GNL1: variants seen among roughly 807,000 people sequenced by gnomAD.
The protein encoded by GNL1 is guanine nucleotide-binding protein-like 1.
Under a neutral mutation model 75.2 loss-of-function variants are expected in GNL1, and 21 were observed. The observed-to-expected ratio is 0.28, with a 90% confidence interval of 0.20 to 0.40. The LOEUF (loss-of-function observed/expected upper bound fraction) is 0.40, where lower values mean the gene tolerates loss of function less well. Ranked by LOEUF, GNL1 falls within the 10% of genes least tolerant of loss-of-function variation. The pLI is 1.00. For synonymous variants in GNL1, 287 were observed against 303.4 expected (o/e 0.95, Z 0.56); for missense variants, 579 against 775.0 (o/e 0.75, Z 3.00).
In GNL1 at chr6:30,552,150, G is replaced by T; in HGVS notation, c.1099+317C>A. The T allele has an allele frequency of 2.8e-6, 1 of 357,336 alleles. No individual in the cohort carries two copies. Among genetic ancestry groups the T allele is most frequent in the Non-Finnish European group, 5.1e-6 (1 of 196,712 alleles). 22.1% of individuals were successfully genotyped at this position (357,336 alleles called of 1,614,324 possible). On this transcript the variant is annotated intron_variant, in intron 8 of 11. Transcript: ENST00000376621. This position sits in a 1 kb window ranked among gnomAD's most constrained non-coding sequence, Gnocchi z 4.5. ...AAGCGCTGGGACTATATAGGCATGA[G>T]CCCTCACACATGGCCGTCATCCATT...
At position 30,546,099 on chromosome 6, in the gene GNL1, A is replaced by G. The variant is rs1487139129; in HGVS notation, c.1797T>C (p.Tyr599=). The G allele has an allele frequency of 6.3e-7, 1 of 1,586,532 alleles. No homozygotes were observed. The change falls in exon 12 of 12, where the codon TAT becomes TAC. Residue 599 remains tyrosine (Y), a synonymous_variant. Transcript: ENST00000376621. The surrounding 1 kb of genome is among the most constrained non-coding windows in gnomAD (Gnocchi z 5.1). ...AGCACTCATCCTCACCCAGCAGGGC[A>G]TAAGGGTTTCGGCCAGCCAGGCTGG... ...PGSSLAGRNP[Y]ALLGEDEC
At chr6:30,551,312 C>A (rs1799762837) in intron 8 of GNL1, among the ~76,000 whole-genome samples, 1 of 152,110 alleles carries the variant, frequency 6.6e-6, no homozygotes, top group Non-Finnish European at 1.5e-5. Context: ...GAAGGGACAG[C>A]CGGGTGAAAT....
Position 30,552,598 on chromosome 6 carries a change from C to T in GNL1, c.968G>A (p.Gly323Asp), listed in dbSNP as rs776901989. The change falls in exon 8 of 12, where the codon GGC becomes GAC. Residue 323 changes from glycine (G) to aspartate (D), a missense_variant. Transcript: ENST00000376621. This position sits in a 1 kb window ranked among gnomAD's most constrained non-coding sequence, Gnocchi z 4.5. ...CTCCTCTTCCTCCTCCTCCCCAGAG[C>T]CATTACCCCAGGTGGCCCCAGCCAC... is the stretch of plus-strand genomic sequence containing the variant. ...RDVAGATWGN[G>D]SGEEEEEEDG... is the part of the protein sequence containing the mutation. The T allele has an allele frequency of 4.0e-5, 65 of 1,613,990 alleles. No homozygotes were observed. The highest frequency in any genetic ancestry group is 5.2e-5 in the Non-Finnish European group (61 of 1,180,010).
At position 30,554,761 on chromosome 6, in the gene GNL1, C is replaced by T. The variant is rs775362254; in HGVS notation, c.528+3G>A. On this transcript the variant is annotated splice_donor_region_variant and intron_variant, in intron 4 of 11. Coordinates refer to ENST00000376621, the MANE Select transcript of GNL1 (RefSeq NM_005275.5). ...CACTCCTGTCCCTAGAGTACACTGT[C>T]ACCTCCAGATTGTGCTCAAAGTAGC... The T allele has an allele frequency of 2.2e-5, 35 of 1,612,854 alleles. No homozygotes were observed. The South Asian group carries it at 3.2e-4, about 15-fold the overall frequency.
chr6:30,556,328 C>A lies in GNL1; in HGVS notation c.-125G>T. On this transcript the variant is annotated 5_prime_UTR_variant, in exon 1 of 12. Coordinates refer to ENST00000376621, the MANE Select transcript of GNL1 (RefSeq NM_005275.5). The surrounding 1 kb of genome is among the most constrained non-coding windows in gnomAD (Gnocchi z 5.7). ...AGGAGGCGGGGCTAGCAGGTGACGT[C>A]AGCGGGCGGGCCCGACAGAATTACC... 1.8e-6 allele frequency: 2 copies of A among 1,103,572 alleles called. No homozygotes were observed. Among genetic ancestry groups the A allele is most frequent in the South Asian group, 1.3e-5 (1 of 75,596 alleles). The allele number at this position is 1,103,572 out of a possible 1,614,324, so 68.4% of individuals were successfully genotyped here.
rs1302661993 is a variant in GNL1, at chr6:30,547,979, C to T, written c.1100-449G>A. ...TCACCTGAGGTCAGGACTTCAAGAC[C>T]AGCCTGGCCAACATGGTGAAACCCC... On this transcript the variant is annotated intron_variant, in intron 8 of 11. Transcript: ENST00000376621. This position sits in a 1 kb window ranked among gnomAD's most constrained non-coding sequence, Gnocchi z 5.5. 6.6e-6 allele frequency among the ~76,000 whole-genome samples: 1 copy of T among 152,082 alleles called. No homozygotes were observed. Among genetic ancestry groups the T allele is most frequent in the Non-Finnish European group, 1.5e-5 (1 of 68,026 alleles).
rs1800014867 is a variant in GNL1, at chr6:30,554,613, A to C, written c.562T>G (p.Ser188Ala). The C allele has an allele frequency of 1.2e-6, 2 of 1,607,228 alleles. No homozygotes were observed. The highest frequency in any genetic ancestry group is 3.3e-5 in the Admixed American group (2 of 60,000). ...TCAGTGATAAGCAGGACGATGTCAG[A>C]CATCTCTAACACCCGCCACAGCTGC... ...WRQLWRVLEM[S>A]DIVLLITDIR... The change falls in exon 5 of 12, where the codon TCT (serine) becomes GCT (alanine). Residue 188 changes from serine to alanine, a missense_variant. Physicochemically the swap from Ser to Ala is moderately conservative, Grantham distance 99 (BLOSUM62 1). Coordinates refer to ENST00000376621, the MANE Select transcript of GNL1 (RefSeq NM_005275.5).
rs760271895 is a variant in GNL1, at chr6:30,555,730, G to C, written c.74-10C>G. On this transcript the variant is annotated splice_polypyrimidine_tract_variant and intron_variant, in intron 1 of 11. Transcript: ENST00000376621. This position sits in a 1 kb window ranked among gnomAD's most constrained non-coding sequence, Gnocchi z 4.3. Reference sequence around the variant, plus strand: ...AGCCCATCTTGAAGCCCTGCGGGGAGGGGCCGGTGACGCCAGTGCTGGCCA... The same window carrying C: ...AGCCCATCTTGAAGCCCTGCGGGGACGGGCCGGTGACGCCAGTGCTGGCCA... 2.0e-5 allele frequency: 32 copies of C among 1,612,674 alleles called. No homozygotes were observed. Among genetic ancestry groups the C allele is most frequent in the Admixed American group, 1.2e-4 (7 of 59,944 alleles).
In GNL1 at chr6:30,555,421, G is replaced by A; in HGVS notation, c.239+134C>T. The A allele has an allele frequency of 9.8e-7, 1 of 1,019,074 alleles. No individual in the cohort carries two copies. The allele number at this position is 1,019,074 out of a possible 1,614,324, so 63.1% of individuals were successfully genotyped here. A position where few individuals can be genotyped will look rare whatever the true frequency, so the allele number is the denominator to read the frequency against. ...GAAAGGAAGACTGTGGCCCGCTGTG[G>A]GGAGCCGAGTGGCTAGCGGAGAACT... On this transcript the variant is annotated intron_variant, in intron 2 of 11. Coordinates refer to ENST00000376621, the MANE Select transcript of GNL1 (RefSeq NM_005275.5). The surrounding 1 kb of genome is among the most constrained non-coding windows in gnomAD (Gnocchi z 4.3).
chr6:30,554,169 C>T (rs1799986118), intron 5 of GNL1, among the ~76,000 whole-genome samples: 1 of 152,190 alleles, frequency 6.6e-6, no homozygotes, highest in Non-Finnish European at 1.5e-5. Context: ...CAGTCTACAG[C>T]CTTAACTACT....
In GNL1 at chr6:30,545,074, G is replaced by C. The variant is rs1277488285; in HGVS notation, c.*998C>G. 6.6e-6 allele frequency: 1 copy of C among 152,144 alleles called. No individual in the cohort carries two copies. The highest frequency in any genetic ancestry group is 1.5e-5 in the Non-Finnish European group (1 of 68,040). 9.4% of individuals were successfully genotyped at this position (152,144 alleles called of 1,614,324 possible). ...TGAGGTGAAACCCTAAAATGGTTCTGGCCACCTGCTAGGTTCTAGCTCAGA... is the reference window on the plus strand; with the variant it reads ...TGAGGTGAAACCCTAAAATGGTTCTCGCCACCTGCTAGGTTCTAGCTCAGA... On this transcript the variant is annotated 3_prime_UTR_variant, in exon 12 of 12. Transcript: ENST00000376621.
Position 30,556,272 on chromosome 6 carries a change from C to A in GNL1, c.-69G>T. On this transcript the variant is annotated 5_prime_UTR_variant, in exon 1 of 12. Transcript: ENST00000376621. The surrounding 1 kb of genome is among the most constrained non-coding windows in gnomAD (Gnocchi z 5.7). ...CGCCTCAACTGACTGCCCCCCGGGG[C>A]AGCCCCCGCCGCAGGGGCCCGGGAC... 6.5e-7 allele frequency: 1 copy of A among 1,540,562 alleles called. No individual in the cohort carries two copies. The highest frequency in any genetic ancestry group is 8.7e-7 in the Non-Finnish European group (1 of 1,147,408).
In GNL1 at chr6:30,547,274, C is replaced by T. The variant is rs1799511795; in HGVS notation, c.1279G>A (p.Val427Ile). ...FPSLLPRQLQVLAGIYPIAQI... is the reference protein window; with the variant it reads ...FPSLLPRQLQILAGIYPIAQI... Reference sequence around the variant, plus strand: ...GCGATAGGGTAGATCCCTGCCAGAACCTGAGGGAAATGAGCACTCAGTACT... The same window carrying T: ...GCGATAGGGTAGATCCCTGCCAGAATCTGAGGGAAATGAGCACTCAGTACT... The change falls in exon 10 of 12, where the codon GTT becomes ATT. Residue 427 changes from valine (V) to isoleucine (I), a missense_variant and splice_region_variant. Transcript: ENST00000376621. This position sits in a 1 kb window ranked among gnomAD's most constrained non-coding sequence, Gnocchi z 5.5. The T allele has an allele frequency of 6.3e-7, 1 of 1,588,416 alleles. No homozygotes were observed. Among genetic ancestry groups the T allele is most frequent in the South Asian group, 1.1e-5 (1 of 88,286 alleles).
chr6:30,547,046 A>C lies in GNL1; in HGVS notation c.1441+66T>G. On this transcript the variant is annotated intron_variant, in intron 10 of 11. Transcript: ENST00000376621. The surrounding 1 kb of genome is among the most constrained non-coding windows in gnomAD (Gnocchi z 5.5). ...GAGGAAAGGAGACAGGGAAGGGTAA[A>C]AGGCGAGGCAGGTAAGGAAGAGCAG... is the stretch of plus-strand genomic sequence containing the variant. The C allele has an allele frequency of 7.0e-7, 1 of 1,423,056 alleles. No individual in the cohort carries two copies. The highest frequency in any genetic ancestry group is 2.3e-5 in the East Asian group (1 of 43,972). The allele number at this position is 1,423,056 out of a possible 1,614,324, so 88.2% of individuals were successfully genotyped here.
In GNL1 at chr6:30,546,328, CAAG is replaced by C. The variant is rs758503104; in HGVS notation, c.1583-18_1583-16del. On this transcript the variant is annotated splice_polypyrimidine_tract_variant and intron_variant, in intron 11 of 11. Coordinates refer to ENST00000376621, the MANE Select transcript of GNL1 (RefSeq NM_005275.5). This position sits in a 1 kb window ranked among gnomAD's most constrained non-coding sequence, Gnocchi z 5.1. ...CTCCCAGGTGCCTGGGGAACCAAAA[CAAG>C]AAAAAAATGGAGGAGAGTTTTGAGC... 1.9e-6 allele frequency: 3 copies of C among 1,563,526 alleles called. No homozygotes were observed. In the Admixed American group the frequency reaches 5.6e-5, roughly 29 times the overall value.
intron 8 of GNL1, among the ~76,000 whole-genome samples, chr6:30,551,648 T>C (rs1799784796): frequency 6.6e-6 from 1 of 152,196 alleles, no homozygotes; most frequent in Non-Finnish European, 1.5e-5. Flanking sequence ...CCTAGAAGAA[T>C]ACTAATTCTT....
chr6:30,555,749 C>A lies in GNL1; in HGVS notation c.74-29G>T. On this transcript the variant is annotated intron_variant, in intron 1 of 11. Coordinates refer to ENST00000376621, the MANE Select transcript of GNL1 (RefSeq NM_005275.5). The surrounding 1 kb of genome is among the most constrained non-coding windows in gnomAD (Gnocchi z 4.3). ...CGGGGAGGGGCCGGTGACGCCAGTG[C>A]TGGCCAGCTCTCAGGGGCCATAAGA... The A allele has an allele frequency of 6.2e-7, 1 of 1,609,328 alleles. No homozygotes were observed. The highest frequency in any genetic ancestry group is 1.3e-5 in the African/African-American group (1 of 75,004).
chr6:30,549,338 A>G lies in GNL1; in HGVS notation c.1100-1808T>C, dbSNP rs112861491. ...TGATCATAATCCTCTCCCTCTATACATGCAAGCTTTATCCTTTTAAGGAAA... is the reference window on the plus strand; with the variant it reads ...TGATCATAATCCTCTCCCTCTATACGTGCAAGCTTTATCCTTTTAAGGAAA... On this transcript the variant is annotated intron_variant, in intron 8 of 11. Coordinates refer to ENST00000376621, the MANE Select transcript of GNL1 (RefSeq NM_005275.5). Among the ~76,000 whole-genome samples, 114 of 152,210 alleles carry G rather than the reference A, an allele frequency of 7.5e-4. 2 individuals carry two copies. The highest frequency in any genetic ancestry group is 2.3e-3 in the African/African-American group (96 of 41,526).
rs1799260079 is a variant in GNL1, at chr6:30,543,111, C to T, written c.*2961G>A. 1 of 152,350 alleles carries T rather than the reference C, an allele frequency of 6.6e-6. No homozygotes were observed. Among genetic ancestry groups the T allele is most frequent in the South Asian group, 2.1e-4 (1 of 4,832 alleles). The allele number at this position is 152,350 out of a possible 1,614,324, so 9.4% of individuals were successfully genotyped here. A position where few individuals can be genotyped will look rare whatever the true frequency, so the allele number is the denominator to read the frequency against. ...ACATCTGTTCCTCTAGGACGCTTCC[C>T]CTGATTCACCAAGACCAGCTTAACT... On this transcript the variant is annotated 3_prime_UTR_variant, in exon 12 of 12. Transcript: ENST00000376621.
Sources: allele counts gnomAD v4.1 joint callset (sites outside exome capture counted in the v4.1 genomes callset), GRCh38; gene constraint gnomAD v4.1.1; non-coding constraint Gnocchi (gnomAD v3.1); transcripts MANE v1.5; gene names NCBI Gene and HGNC (gene_info 2026-07-23, HGNC 2026-07-21).